HDAC4: variants seen among roughly 807,000 people sequenced by gnomAD.
The protein encoded by HDAC4 is histone deacetylase A.
Under a neutral mutation model 135.1 loss-of-function variants are expected in HDAC4, and 16 were observed. That is an observed-to-expected ratio of 0.12 (90% CI 0.08 to 0.18). The LOEUF (loss-of-function observed/expected upper bound fraction) is 0.18. HDAC4 is among the 10% of genes least tolerant of loss of function. HDAC4 has a pLI of 1.00. For missense variants in HDAC4, 1,143 were observed against 1,511.8 expected (o/e 0.76, Z 4.05); for synonymous variants, 685 against 653.4 (o/e 1.05, Z -0.74).
intron 2 of HDAC4, among the ~76,000 whole-genome samples, chr2:239,325,643 G>A (rs369506395): frequency 3.3e-4 from 51 of 152,328 alleles, no homozygotes; most frequent in African/African-American, 1.1e-3. Context: ...GTGCAGTGTT[G>A]TGGAAAACAC....
In HDAC4 at chr2:239,068,130, C is replaced by G. The variant is rs1166604373; in HGVS notation, c.2869+359G>C. Reference sequence around the variant, plus strand: ...AACTTCCCTTTACAGTTCCAAGGAGCACCGCCTGCCAGAGAAGCGGCATGG... The same window carrying G: ...AACTTCCCTTTACAGTTCCAAGGAGGACCGCCTGCCAGAGAAGCGGCATGG... On this transcript the variant is annotated intron_variant, in intron 23 of 26. Transcript: ENST00000543185. The surrounding 1 kb of genome is among the most constrained non-coding windows in gnomAD (Gnocchi z 4.4). Among the ~76,000 whole-genome samples the G allele has an allele frequency of 2.0e-5, 3 of 152,166 alleles. No homozygotes were observed. Among genetic ancestry groups the G allele is most frequent in the Admixed American group, 1.3e-4 (2 of 15,282 alleles).
At chr2:239,369,763 C>G (rs1694476103) in intron 1 of HDAC4, among the ~76,000 whole-genome samples, 1 of 152,126 alleles carries the variant, frequency 6.6e-6, no homozygotes, top group African/African-American at 2.4e-5. Context: ...CCTGGGCCAC[C>G]TTCTCTCAAG....
At chr2:239,281,431 A>C (rs2050740514) in intron 2 of HDAC4, among the ~76,000 whole-genome samples, 1 of 149,194 alleles carries the variant, frequency 6.7e-6, no homozygotes, top group African/African-American at 2.5e-5. Context: ...CAATGTATAC[A>C]CCACTCTACA....
At chr2:239,185,727 T>C (rs1424066111) in intron 4 of HDAC4, among the ~76,000 whole-genome samples, 1 of 152,136 alleles carries the variant, frequency 6.6e-6, no homozygotes, top group African/African-American at 2.4e-5. Context: ...CTGGGAGGCA[T>C]TGATCAGAAA....
intron 2 of HDAC4, among the ~76,000 whole-genome samples, chr2:239,337,398 T>C (rs1237812396): frequency 6.6e-6 from 1 of 152,080 alleles, no homozygotes; most frequent in Non-Finnish European, 1.5e-5. Context: ...ATCGCACCAA[T>C]ACAAGCTCCA....
chr2:239,291,575 C>T (rs1326806269), intron 2 of HDAC4, among the ~76,000 whole-genome samples: 1 of 152,226 alleles, frequency 6.6e-6, no homozygotes, highest in Non-Finnish European at 1.5e-5. Flanking sequence ...GCGCAGCAAC[C>T]CACGGTAGGG....
At chr2:239,244,677 T>C (rs1273149425) in intron 2 of HDAC4, among the ~76,000 whole-genome samples, 1 of 152,056 alleles carries the variant, frequency 6.6e-6, no homozygotes, top group Non-Finnish European at 1.5e-5. Flanking sequence ...TCCCCCTAGG[T>C]CCTTCCCCTG....
intron 8 of HDAC4, among the ~76,000 whole-genome samples, chr2:239,143,295 G>A (rs577228267): frequency 6.6e-6 from 1 of 152,200 alleles, no homozygotes; most frequent in South Asian, 2.1e-4. Flanking sequence ...AAAGGTTCAC[G>A]TGTCCATTAG....
rs113181561 is a variant in HDAC4, at chr2:239,374,764, G to C, written c.-219-21846C>G. On this transcript the variant is annotated intron_variant, in intron 1 of 26. Transcript: ENST00000543185. ...TAAATGGGATAAATTTTAAATTTCA[G>C]AATATCAAAGATAATCAGAAGATCT... Among the ~76,000 whole-genome samples the C allele has an allele frequency of 5.3e-5, 8 of 152,174 alleles. No homozygotes were observed. In the East Asian group the frequency reaches 1.3e-3, roughly 26 times the overall value.
rs138059168 is a variant in HDAC4 at position 239,306,883 on chromosome 2, G to A, written c.22+45795C>T. ...TGGAAGGAGCTGCAGGGATGCATGGGGGCGTTCAGGAATGTCCAAGGAGGG... is the reference window on the plus strand; with the variant it reads ...TGGAAGGAGCTGCAGGGATGCATGGAGGCGTTCAGGAATGTCCAAGGAGGG... On this transcript the variant is annotated intron_variant, in intron 2 of 26. Transcript: ENST00000543185. This position sits in a 1 kb window ranked among gnomAD's most constrained non-coding sequence, Gnocchi z 4.5. 1.2e-3 allele frequency among the ~76,000 whole-genome samples: 177 copies of A among 152,058 alleles called. No homozygotes were observed. The highest frequency in any genetic ancestry group is 4.1e-3 in the African/African-American group (170 of 41,500).
rs927625730 is a variant in HDAC4, at chr2:239,400,830, G to A, written c.-220+148C>T. 23 of 146,186 alleles carry A rather than the reference G, an allele frequency of 1.6e-4. 1 individual carries two copies. Among genetic ancestry groups the A allele is most frequent in the African/African-American group, 5.4e-4 (22 of 40,654 alleles). 9.1% of individuals were successfully genotyped at this position (146,186 alleles called of 1,614,324 possible). A position where few individuals can be genotyped will look rare whatever the true frequency, so the allele number is the denominator to read the frequency against. On this transcript the variant is annotated intron_variant, in intron 1 of 26. Coordinates refer to ENST00000543185, the MANE Select transcript of HDAC4 (RefSeq NM_001378414.1). This position sits in a 1 kb window ranked among gnomAD's most constrained non-coding sequence, Gnocchi z 4.7. ...GGGACGCGGCCACGGCGCCGCCGGGGGCCCAGGCTGGGAGGCTGTTCGGGC... is the reference window on the plus strand; with the variant it reads ...GGGACGCGGCCACGGCGCCGCCGGGAGCCCAGGCTGGGAGGCTGTTCGGGC...
intron 15 of HDAC4, among the ~76,000 whole-genome samples, chr2:239,106,742 A>AAG (rs1559438890): frequency 6.6e-6 from 1 of 152,056 alleles, no homozygotes; most frequent in Admixed American, 6.5e-5. Flanking sequence ...CTTCTAAAGG[A>AAG]GGGCAGGCGA....
rs2052975667 is a variant in HDAC4, at chr2:239,313,327, T to A, written c.22+39351A>T. Among the ~76,000 whole-genome samples the A allele has an allele frequency of 6.6e-6, 1 of 152,166 alleles. No individual in the cohort carries two copies. Among genetic ancestry groups the A allele is most frequent in the Non-Finnish European group, 1.5e-5 (1 of 68,026 alleles). ...TGTCCCTGCAGCAGCCAGGGACTAA[T>A]TTTAGAAGGGGCTTTGAGGAGAAAC... On this transcript the variant is annotated intron_variant, in intron 2 of 26. Transcript: ENST00000543185. The surrounding 1 kb of genome is among the most constrained non-coding windows in gnomAD (Gnocchi z 5.1).
chr2:239,363,154 G>A (rs140010799), intron 1 of HDAC4, among the ~76,000 whole-genome samples: 4 of 152,292 alleles, frequency 2.6e-5, no homozygotes, highest in African/African-American at 7.2e-5. Context: ...TGAAATTAGA[G>A]ATCTCAATAC....
chr2:239,090,249 T>A, intron 17 of HDAC4, 133 bp from the exon 18 acceptor site: 1 of 708,266 alleles, frequency 1.4e-6, no homozygotes, highest in Admixed American at 2.0e-5. Context: ...CCAGGGCAGC[T>A]GCAGCCCACG....
Position 239,255,400 on chromosome 2 carries a change from C to T in HDAC4, c.23-18736G>A, listed in dbSNP as rs77284447. Among the ~76,000 whole-genome samples, 764 of 152,172 alleles carry T rather than the reference C, an allele frequency of 5.0e-3. 19 individuals are homozygous for T. The East Asian group carries it at 0.075, about 15-fold the overall frequency. ...CATAGACCTTAAAATTAAAGGGCTT[C>T]CCTTTTTCCTTTGACAGCTAAGAAA... On this transcript the variant is annotated intron_variant, in intron 2 of 26. Transcript: ENST00000543185.
rs552741699 is a variant in HDAC4, at chr2:239,392,314, T to C, written c.-220+8664A>G. On this transcript the variant is annotated intron_variant, in intron 1 of 26. Transcript: ENST00000543185. Reference sequence around the variant, plus strand: ...TGACATCTCCTTTGATGCATCCTTCTGACCTGGAGAGCCAAGGGGCGGATT... The same window carrying C: ...TGACATCTCCTTTGATGCATCCTTCCGACCTGGAGAGCCAAGGGGCGGATT... Among the ~76,000 whole-genome samples the C allele has an allele frequency of 4.6e-5, 7 of 152,396 alleles. No homozygotes were observed. In the South Asian group the frequency reaches 1.4e-3, roughly 32 times the overall value.
At position 239,085,072 on chromosome 2, in the gene HDAC4, A is replaced by ACACT. The variant is rs745393565; in HGVS notation, c.2445-831_2445-830insAGTG. 2.9e-3 allele frequency among the ~76,000 whole-genome samples: 406 copies of ACACT among 142,276 alleles called. 1 individual carries two copies. Among genetic ancestry groups the ACACT allele is most frequent in the Non-Finnish European group, 4.5e-3 (294 of 64,908 alleles). 93.3% of individuals were successfully genotyped at this position (142,276 alleles called of 152,430 possible). A position where few individuals can be genotyped will look rare whatever the true frequency, so the allele number is the denominator to read the frequency against. The stretch of plus-strand genomic sequence containing the variant: ...CACACACACACACACACACACACAC[A>ACACT]CTCTCCTGCTTGGAGGTCCCCCACG... On this transcript the variant is annotated intron_variant, in intron 19 of 26. Transcript: ENST00000543185.
rs1158074705 is a variant in HDAC4 at position 239,400,008 on chromosome 2, A to T, written c.-220+970T>A. ...TCCACCCCCGGCCTTTCCAACTGAT[A>T]CGCACGGTCTCCTCCTATAACAGTG... On this transcript the variant is annotated intron_variant, in intron 1 of 26. Transcript: ENST00000543185. This position sits in a 1 kb window ranked among gnomAD's most constrained non-coding sequence, Gnocchi z 4.7. Among the ~76,000 whole-genome samples, 2 of 152,166 alleles carry T rather than the reference A, an allele frequency of 1.3e-5. No individual in the cohort carries two copies. The highest frequency in any genetic ancestry group is 1.3e-4 in the Admixed American group (2 of 15,290).
Sources: gnomAD v4.1 joint callset for allele counts (sites outside exome capture counted in the v4.1 genomes callset) on GRCh38, gnomAD v4.1.1 for gene constraint, Gnocchi (gnomAD v3.1) non-coding constraint, MANE v1.5 for transcripts, NCBI Gene and HGNC (gene_info 2026-07-23, HGNC 2026-07-21) for gene names.